Variants in CDYL2 observed in about 807,000 individuals in gnomAD.
The protein encoded by CDYL2 is chromodomain Y-like protein 2.
Under a neutral mutation model 49.4 loss-of-function variants are expected in CDYL2, and 23 were observed. That is an observed-to-expected ratio of 0.47 (90% confidence interval 0.34 to 0.66). The LOEUF is 0.66. CDYL2 is among the 30% of genes least tolerant of loss of function. The pLI is 0.01. For missense variants in CDYL2, 678 were observed against 656.4 expected, an observed-to-expected ratio of 1.03 and a Z score of -0.36; for synonymous variants, 360 against 268.8, an observed-to-expected ratio of 1.34 and a Z score of -3.32.
In CDYL2 at chr16:80,804,144, C is replaced by G. The variant is rs767696778; in HGVS notation, c.24+6G>C. On this transcript the variant is annotated splice_donor_region_variant and intron_variant, in intron 1 of 6. Coordinates refer to ENST00000570137, the MANE Select transcript of CDYL2 (RefSeq NM_152342.4). ...GGGGCCGGCCCGCGCCCCCGCGTCC[C>G]CGTACCTCGTAAAGGTCCCCAGAAG... 5 of 1,246,462 alleles carry G rather than the reference C, an allele frequency of 4.0e-6. No homozygotes were observed. The highest frequency in any genetic ancestry group is 4.4e-4 in the Middle Eastern group (2 of 4,570). The allele number at this position is 1,246,462 out of a possible 1,614,324, so 77.2% of individuals were successfully genotyped here.
chr16:80,675,413 A>C (rs959212600), intron 2 of CDYL2, among the ~76,000 whole-genome samples: 5 of 152,214 alleles, frequency 3.3e-5, no homozygotes, highest in Non-Finnish European at 7.3e-5. Flanking sequence ...ATTAAATCAC[A>C]TTTAGTAGAT....
intron 2 of CDYL2, among the ~76,000 whole-genome samples, chr16:80,643,422 G>C (rs1177314159): frequency 1.3e-5 from 2 of 152,224 alleles, no homozygotes; most frequent in Non-Finnish European, 2.9e-5. Flanking sequence ...CCATTCTGGG[G>C]TCTGGAGGAC....
intron 3 of CDYL2, among the ~76,000 whole-genome samples, chr16:80,629,627 G>T (rs946013951): frequency 9.2e-5 from 14 of 152,280 alleles, no homozygotes; most frequent in South Asian, 8.3e-4. Context: ...TCATCTCCTG[G>T]TTCTCTGCTG....
chr16:80,790,808 G>A (rs967673906), intron 1 of CDYL2, among the ~76,000 whole-genome samples: 2 of 152,274 alleles, frequency 1.3e-5, no homozygotes, highest in African/African-American at 4.8e-5. Flanking sequence ...CAAGACTCAA[G>A]GCTGTGCTGA....
intron 2 of CDYL2, among the ~76,000 whole-genome samples, chr16:80,667,668 T>C (rs1042344928): frequency 6.6e-6 from 1 of 152,170 alleles, no homozygotes; most frequent in Non-Finnish European, 1.5e-5. Context: ...ATGTGTACTG[T>C]ATGTAAAGTG....
chr16:80,710,053 G>C (rs1159766262), intron 1 of CDYL2, among the ~76,000 whole-genome samples: 1 of 151,902 alleles, frequency 6.6e-6, no homozygotes, highest in Non-Finnish European at 1.5e-5. Context: ...TCAGCCTCCT[G>C]AGTAGCTGGG....
At chr16:80,782,098 T>C (rs990587415) in intron 1 of CDYL2, among the ~76,000 whole-genome samples, 1 of 151,706 alleles carries the variant, frequency 6.6e-6, no homozygotes, top group Non-Finnish European at 1.5e-5. Context: ...GAAACCAAAG[T>C]CTATTCTTTG....
chr16:80,743,452 T>G (rs1905818634), intron 1 of CDYL2, among the ~76,000 whole-genome samples: 1 of 151,734 alleles, frequency 6.6e-6, no homozygotes, highest in African/African-American at 2.4e-5. Flanking sequence ...CTGCAGTGAT[T>G]CATCAGCTCT....
chr16:80,714,947 T>C (rs189500885), intron 1 of CDYL2, among the ~76,000 whole-genome samples: 2 of 152,188 alleles, frequency 1.3e-5, no homozygotes, highest in Non-Finnish European at 2.9e-5. Context: ...TAGGATGTAG[T>C]CAAAGCCTCA....
At chr16:80,799,606 C>T (rs759394086) in intron 1 of CDYL2, among the ~76,000 whole-genome samples, 4 of 152,128 alleles carry the variant, frequency 2.6e-5, no homozygotes, top group Admixed American at 6.5e-5. Context: ...TAATAATCAC[C>T]AGGCCTGAAC....
At chr16:80,735,760 T>A (rs1395306210) in intron 1 of CDYL2, among the ~76,000 whole-genome samples, 1 of 152,236 alleles carries the variant, frequency 6.6e-6, no homozygotes, top group Non-Finnish European at 1.5e-5. Context: ...GCCATGGCAC[T>A]GCTTTCAGAC....
At chr16:80,643,493 G>T (rs577075047) in intron 2 of CDYL2, among the ~76,000 whole-genome samples, 1 of 152,230 alleles carries the variant, frequency 6.6e-6, no homozygotes, top group Non-Finnish European at 1.5e-5. Context: ...GTGTGGGGGC[G>T]GTGAGCCCAT....
chr16:80,798,028 G>GTTGT (rs561857617), intron 1 of CDYL2, among the ~76,000 whole-genome samples: 22 of 152,074 alleles, frequency 1.4e-4, no homozygotes, highest in African/African-American at 4.6e-4. Flanking sequence ...TGTTGTTGTT[G>GTTGT]TTGTTTGTTT....
rs1329298780 is a variant in CDYL2, at chr16:80,598,153, C to A, written c.*6235G>T. ...ACATGGTGAGAAGGGGTCAGCTGTA[C>A]CTTCTTTATAATTCTATGAAGTACT... is the stretch of plus-strand genomic sequence containing the variant. On this transcript the variant is annotated 3_prime_UTR_variant, in exon 7 of 7. Coordinates refer to ENST00000570137, the MANE Select transcript of CDYL2 (RefSeq NM_152342.4). 1 of 152,042 alleles carries A rather than the reference C, an allele frequency of 6.6e-6. No individual in the cohort carries two copies. The highest frequency in any genetic ancestry group is 1.5e-5 in the Non-Finnish European group (1 of 68,030). 9.4% of individuals were successfully genotyped at this position (152,042 alleles called of 1,614,324 possible). A position where few individuals can be genotyped will look rare whatever the true frequency, so the allele number is the denominator to read the frequency against.
At chr16:80,608,312 C>G (rs541980100) in intron 5 of CDYL2, 77 bp from the exon 6 acceptor site, 7 of 1,421,020 alleles carry the variant, frequency 4.9e-6, no homozygotes, top group Non-Finnish European at 6.5e-6. Context: ...GGGCTTGCCA[C>G]CTGCAACCAT....
intron 1 of CDYL2, among the ~76,000 whole-genome samples, chr16:80,768,465 G>A (rs555122248): frequency 5.9e-5 from 9 of 152,332 alleles, no homozygotes; most frequent in Middle Eastern, 3.4e-3. Flanking sequence ...CACAGTTCTA[G>A]AGGCTGGGAA....
chr16:80,699,026 G>A (rs910973584), intron 1 of CDYL2, among the ~76,000 whole-genome samples: 2 of 152,146 alleles, frequency 1.3e-5, no homozygotes, highest in African/African-American at 2.4e-5. Flanking sequence ...TGCTGGCAAG[G>A]ATGTGGAGAA....
chr16:80,657,240 T>C (rs574417254), intron 2 of CDYL2, among the ~76,000 whole-genome samples: 1 of 152,284 alleles, frequency 6.6e-6, no homozygotes, highest in East Asian at 1.9e-4. Context: ...TTTCAAATGC[T>C]CAGATGCAAG....
intron 1 of CDYL2, among the ~76,000 whole-genome samples, chr16:80,767,817 A>G (rs984404979): frequency 2.0e-5 from 3 of 152,186 alleles, no homozygotes; most frequent in Middle Eastern, 3.2e-3. Context: ...TAGCTTTTCT[A>G]AAAAGTACGA....
Sources: gnomAD v4.1 joint callset for allele counts (sites outside exome capture counted in the v4.1 genomes callset) on GRCh38, gnomAD v4.1.1 for gene constraint, MANE v1.5 for transcripts, NCBI Gene and HGNC (gene_info 2026-07-23, HGNC 2026-07-21) for gene names.